The following NEDD4 variants were observed in gnomAD, a reference collection of about 807,000 sequenced individuals.
NEDD4 encodes NEDD4 E3 ubiquitin protein ligase.
Under a neutral mutation model 144.9 loss-of-function variants are expected in NEDD4, and 99 were observed. The observed-to-expected ratio is 0.68, with a 90% CI of 0.58 to 0.81. The LOEUF (loss-of-function observed/expected upper bound fraction) is 0.81. NEDD4 is among the 30% of genes least tolerant of loss of function. NEDD4 has a pLI of 0.00. For synonymous variants in NEDD4, 318 were observed against 350.6 expected, an observed-to-expected ratio of 0.91 and a Z score of 1.04; for missense variants, 985 against 1,065.9, an observed-to-expected ratio of 0.92 and a Z score of 1.06.
At chr15:55,884,749 A>C (rs1183704201) in intron 5 of NEDD4, among the ~76,000 whole-genome samples, 1 of 152,136 alleles carries the variant, frequency 6.6e-6, no homozygotes, top group African/African-American at 2.4e-5. Context: ...TAAAAAACAC[A>C]GTAAGAGGAG....
At chr15:55,931,845 C>T (rs1203385848) in intron 4 of NEDD4, among the ~76,000 whole-genome samples, 2 of 152,136 alleles carry the variant, frequency 1.3e-5, no homozygotes, top group Non-Finnish European at 2.9e-5. Context: ...GCAACCATCA[C>T]CACAATTTTA....
intron 5 of NEDD4, among the ~76,000 whole-genome samples, chr15:55,880,830 A>G (rs956706751): frequency 5.3e-5 from 8 of 152,216 alleles, no homozygotes; most frequent in African/African-American, 1.9e-4. Flanking sequence ...TGAAAATTAA[A>G]TAAGAGAATA....
At chr15:55,913,460 T>C (rs1030262831) in intron 5 of NEDD4, among the ~76,000 whole-genome samples, 1 of 152,082 alleles carries the variant, frequency 6.6e-6, no homozygotes, top group Admixed American at 6.5e-5. Context: ...TATTTAGATA[T>C]AGCATAAATT....
At chr15:55,916,939 G>A (rs2036470425) in intron 5 of NEDD4, 6 of 1,492,848 alleles carry the variant, frequency 4.0e-6, no homozygotes, top group South Asian at 1.4e-5. Flanking sequence ...ATCATTTGTG[G>A]TGCCTAAAAG....
At chr15:55,898,631 CTTT>C (rs34372143) in intron 5 of NEDD4, among the ~76,000 whole-genome samples, 9 of 108,282 alleles carry the variant, frequency 8.3e-5, no homozygotes, top group South Asian at 3.1e-4. Flanking sequence ...ACAAAAAGAA[CTTT>C]TTTTTTTTTT....
intron 8 of NEDD4, among the ~76,000 whole-genome samples, chr15:55,864,945 C>T (rs943362941): frequency 2.0e-5 from 3 of 152,094 alleles, no homozygotes; most frequent in African/African-American, 7.2e-5. Context: ...TGCCTGCAAT[C>T]TCAGCACTTT....
chr15:55,852,606 A>T, intron 12 of NEDD4, 63 bp from the exon 13 acceptor site: 1 of 1,518,986 alleles, frequency 6.6e-7, no homozygotes. Flanking sequence ...TATCACCCCC[A>T]AAAGTTCCCT....
At chr15:55,973,421 T>C (rs1347517167) in intron 1 of NEDD4, among the ~76,000 whole-genome samples, 1 of 152,064 alleles carries the variant, frequency 6.6e-6, no homozygotes, top group Non-Finnish European at 1.5e-5. Flanking sequence ...AGAGTGGTAC[T>C]CCCAGCTCAT....
Position 55,860,793 on chromosome 15 carries a change from T to C in NEDD4, c.675-15A>G. 1 of 1,606,556 alleles carries C rather than the reference T, an allele frequency of 6.2e-7. No individual in the cohort carries two copies. The highest frequency in any genetic ancestry group is 8.5e-7 in the Non-Finnish European group (1 of 1,174,140). On this transcript the variant is annotated splice_polypyrimidine_tract_variant and intron_variant, in intron 9 of 28. Coordinates refer to ENST00000435532, the MANE Select transcript of NEDD4 (RefSeq NM_006154.4). ...TTAGGTTGTCCCTATATTGGAAGTATAAAAAGCCATCATCCATGTCTTAAG... is the reference window on the plus strand; with the variant it reads ...TTAGGTTGTCCCTATATTGGAAGTACAAAAAGCCATCATCCATGTCTTAAG...
chr15:55,896,294 G>T (rs2035736885), intron 5 of NEDD4, among the ~76,000 whole-genome samples: 1 of 152,108 alleles, frequency 6.6e-6, no homozygotes, highest in Admixed American at 6.5e-5. Flanking sequence ...CAATTCTCCT[G>T]CCTCAGCCTC....
intron 1 of NEDD4, among the ~76,000 whole-genome samples, chr15:55,967,388 T>C (rs1375936927): frequency 2.0e-5 from 3 of 151,962 alleles, no homozygotes; most frequent in African/African-American, 7.3e-5. Flanking sequence ...ATCATAAAGC[T>C]TGCAACTTAT....
intron 4 of NEDD4, among the ~76,000 whole-genome samples, chr15:55,939,602 G>T (rs371011003): frequency 6.6e-6 from 1 of 152,046 alleles, no homozygotes; most frequent in Non-Finnish European, 1.5e-5. Context: ...ATGTAAAAAG[G>T]TGCTCAAAAA....
chr15:55,936,201 CATT>C (rs2036886513), intron 4 of NEDD4, among the ~76,000 whole-genome samples: 1 of 152,286 alleles, frequency 6.6e-6, no homozygotes, highest in South Asian at 2.1e-4. Context: ...TCTCCGGTAT[CATT>C]GTTTTCCCTT....
intron 4 of NEDD4, among the ~76,000 whole-genome samples, chr15:55,937,038 C>A (rs925257): frequency 0.13 from 20,401 of 152,054 alleles, 1,485 homozygotes; most frequent in East Asian, 0.32. Context: ...GGCAATCCAC[C>A]CTCCTCGGCC....
chr15:55,906,013 C>G (rs2036079317), intron 5 of NEDD4, among the ~76,000 whole-genome samples: 1 of 152,094 alleles, frequency 6.6e-6, no homozygotes, highest in Admixed American at 6.5e-5. Flanking sequence ...TTTATGCAGC[C>G]AACAGACACA....
intron 1 of NEDD4, among the ~76,000 whole-genome samples, chr15:55,989,490 G>A (rs2037953694): frequency 6.6e-6 from 1 of 152,164 alleles, no homozygotes; most frequent in Admixed American, 6.5e-5. Context: ...CTGAGTAAGG[G>A]TCAGTTTCTG....
intron 5 of NEDD4, among the ~76,000 whole-genome samples, chr15:55,907,796 T>C (rs1271860501): frequency 6.6e-6 from 1 of 152,206 alleles, no homozygotes; most frequent in Non-Finnish European, 1.5e-5. Context: ...GCTAGTCAAA[T>C]GGCTTTTGTC....
At chr15:55,914,410 G>A (rs2036369365) in intron 5 of NEDD4, among the ~76,000 whole-genome samples, 3 of 151,562 alleles carry the variant, frequency 2.0e-5, no homozygotes, top group Non-Finnish European at 3.0e-5. Context: ...ACTTTGGAAC[G>A]GCCAAATTAC....
intron 1 of NEDD4, among the ~76,000 whole-genome samples, chr15:55,981,235 T>A (rs2037798599): frequency 6.6e-6 from 1 of 152,142 alleles, no homozygotes; most frequent in Non-Finnish European, 1.5e-5. Context: ...TAGAGACATA[T>A]GTGGGATTCT....
Sources: allele counts gnomAD v4.1 joint callset (sites outside exome capture counted in the v4.1 genomes callset), GRCh38; gene constraint gnomAD v4.1.1; transcripts MANE v1.5; gene names NCBI Gene and HGNC (gene_info 2026-07-23, HGNC 2026-07-21).